The following SPAG16 variants were observed in gnomAD, a reference collection of about 807,000 sequenced individuals.
SPAG16 encodes sperm associated antigen 16.
In SPAG16, 86 loss-of-function variants were observed where a neutral mutation model predicts 80.4. That is an observed-to-expected ratio of 1.07 (90% CI 0.90 to 1.28). The LOEUF (loss-of-function observed/expected upper bound fraction) is 1.28. Among genes scored for constraint, SPAG16 ranks in the 50% most tolerant of loss-of-function variants. The pLI is 0.00. For synonymous variants in SPAG16, 294 were observed against 265.9 expected (o/e 1.11, Z -1.03); for missense variants, 870 against 765.3 (o/e 1.14, Z -1.61).
At chr2:213,604,651 C>G (rs1228918231) in intron 10 of SPAG16, among the ~76,000 whole-genome samples, 2 of 152,018 alleles carry the variant, frequency 1.3e-5, no homozygotes, top group African/African-American at 4.8e-5. Flanking sequence ...TATTATAGAT[C>G]TACATTATTT....
intron 10 of SPAG16, among the ~76,000 whole-genome samples, chr2:213,723,186 T>A (rs2066606153): frequency 1.3e-5 from 2 of 152,344 alleles, no homozygotes; most frequent in South Asian, 4.1e-4. Context: ...GCTCTTGTTA[T>A]AATTAGATAA....
intron 12 of SPAG16, among the ~76,000 whole-genome samples, chr2:213,944,167 T>C (rs2079340331): frequency 6.6e-6 from 1 of 152,184 alleles, no homozygotes; most frequent in Non-Finnish European, 1.5e-5. Flanking sequence ...GTAATATTCT[T>C]GGTTCCAATA....
At chr2:213,643,348 T>TTATA (rs61608932) in intron 10 of SPAG16, among the ~76,000 whole-genome samples, 12 of 39,110 alleles carry the variant, frequency 3.1e-4, no homozygotes, top group South Asian at 1.1e-3. Flanking sequence ...GATCTTAATT[T>TTATA]TATATATATA....
chr2:213,818,952 G>T (rs550732452), intron 10 of SPAG16, among the ~76,000 whole-genome samples: 1 of 152,254 alleles, frequency 6.6e-6, no homozygotes, highest in Non-Finnish European at 1.5e-5. Flanking sequence ...AACCTCTTCT[G>T]TTTATAAATT....
chr2:213,534,583 A>G (rs1039032881), intron 10 of SPAG16, among the ~76,000 whole-genome samples: 5 of 152,146 alleles, frequency 3.3e-5, no homozygotes, highest in Admixed American at 3.3e-4. Context: ...TTACACAAAA[A>G]CACAGACGAA....
intron 10 of SPAG16, among the ~76,000 whole-genome samples, chr2:213,519,500 C>T (rs1447099223): frequency 6.6e-5 from 10 of 152,088 alleles, no homozygotes; most frequent in South Asian, 2.1e-4. Flanking sequence ...CTTTGCCTGC[C>T]GCCATCCACA....
rs376987409 is a variant in SPAG16 at position 213,364,183 on chromosome 2, G to T, written c.832+38G>T. ...TGTGATGAAGCTCTCATTTAATATA[G>T]TTTGGTGATTTCTCAACCTTATCAG... On this transcript the variant is annotated intron_variant, in intron 8 of 15. Transcript: ENST00000331683. 46 of 1,279,218 alleles carry T rather than the reference G, an allele frequency of 3.6e-5. No homozygotes were observed. In the African/African-American group the frequency reaches 5.1e-4, roughly 14 times the overall value. 79.2% of individuals were successfully genotyped at this position (1,279,218 alleles called of 1,614,324 possible).
chr2:213,772,721 C>T (rs2125556588), intron 10 of SPAG16, among the ~76,000 whole-genome samples: 1 of 151,668 alleles, frequency 6.6e-6, no homozygotes, highest in East Asian at 1.9e-4. Context: ...TTTGTTTGGG[C>T]TACTTTAGAA....
chr2:213,493,827 A>G (rs2074366593), intron 10 of SPAG16, among the ~76,000 whole-genome samples: 1 of 152,138 alleles, frequency 6.6e-6, no homozygotes, highest in Admixed American at 6.5e-5. Context: ...AGAACTCCCC[A>G]TCAAACCTAT....
intron 10 of SPAG16, among the ~76,000 whole-genome samples, chr2:213,615,479 T>C (rs999068023): frequency 6.6e-5 from 10 of 152,080 alleles, no homozygotes; most frequent in Non-Finnish European, 1.2e-4. Context: ...AAATCCCAGC[T>C]ACTCGGGAGG....
chr2:214,358,695 C>A (rs1287457891), intron 15 of SPAG16, among the ~76,000 whole-genome samples: 1 of 151,770 alleles, frequency 6.6e-6, no homozygotes, highest in Non-Finnish European at 1.5e-5. Context: ...ACTCTAGTGG[C>A]TTTCTTTGAT....
intron 10 of SPAG16, among the ~76,000 whole-genome samples, chr2:213,741,744 T>C (rs1385315102): frequency 6.6e-6 from 1 of 152,176 alleles, no homozygotes; most frequent in African/African-American, 2.4e-5. Flanking sequence ...AATAGCTTGA[T>C]AGGTATATTG....
In SPAG16 at chr2:213,598,283, G is replaced by A. The variant is rs113476474; in HGVS notation, c.1070+108193G>A. Among the ~76,000 whole-genome samples the A allele has an allele frequency of 1.6e-3, 236 of 152,192 alleles. 3 individuals are homozygous for A. The highest frequency in any genetic ancestry group is 4.6e-3 in the African/African-American group (192 of 41,542). On this transcript the variant is annotated intron_variant, in intron 10 of 15. Transcript: ENST00000331683. The stretch of plus-strand genomic sequence containing the variant: ...TTCAGAGAACCTTCAGAGGGTGAAG[G>A]GGAAGTTCTCCCTTGGCCTCTATAG...
chr2:214,331,396 G>GCAAT (rs746120738), intron 15 of SPAG16, among the ~76,000 whole-genome samples: 4 of 152,288 alleles, frequency 2.6e-5, no homozygotes, highest in Non-Finnish European at 5.9e-5. Context: ...TGACCAGGTG[G>GCAAT]CAATCACAGC....
intron 6 of SPAG16, among the ~76,000 whole-genome samples, chr2:213,346,304 A>C (rs528341476): frequency 6.6e-6 from 1 of 152,156 alleles, no homozygotes; most frequent in Admixed American, 6.6e-5. Context: ...GGTTTTCTAG[A>C]TATACAATCA....
intron 10 of SPAG16, among the ~76,000 whole-genome samples, chr2:213,492,327 G>A (rs1407038397): frequency 6.6e-6 from 1 of 152,100 alleles, no homozygotes. Flanking sequence ...GCTGAGGTGG[G>A]CAGATCACTA....
intron 12 of SPAG16, among the ~76,000 whole-genome samples, chr2:213,942,665 C>T (rs1333792050): frequency 6.6e-6 from 1 of 152,104 alleles, no homozygotes; most frequent in Non-Finnish European, 1.5e-5. Flanking sequence ...AATGGTCCAG[C>T]AGCAAGAAAA....
chr2:213,632,264 T>G (rs1050433199), intron 10 of SPAG16, among the ~76,000 whole-genome samples: 1 of 152,170 alleles, frequency 6.6e-6, no homozygotes, highest in African/African-American at 2.4e-5. Flanking sequence ...TTTTAAATTT[T>G]TTTTCACATT....
chr2:213,817,392 G>A (rs2072620594), intron 10 of SPAG16, among the ~76,000 whole-genome samples: 1 of 151,562 alleles, frequency 6.6e-6, no homozygotes, highest in Admixed American at 6.6e-5. Flanking sequence ...TAGTGGGAAA[G>A]TAAATTAGTT....
Sources: gnomAD v4.1 joint callset for allele counts (sites outside exome capture counted in the v4.1 genomes callset) on GRCh38, gnomAD v4.1.1 for gene constraint, MANE v1.5 for transcripts, NCBI Gene and HGNC (gene_info 2026-07-23, HGNC 2026-07-21) for gene names.